Variants in LRBA observed in about 807,000 individuals in gnomAD.
LRBA encodes the protein lipopolysaccharide-responsive and beige-like anchor protein.
Under a neutral mutation model 330.0 loss-of-function variants are expected in LRBA, and 176 were observed. That is an observed-to-expected ratio of 0.53 (90% CI 0.47 to 0.60). LRBA has a LOEUF of 0.60. LRBA is among the 20% of genes least tolerant of loss of function. LRBA has a pLI of 0.00. For synonymous variants in LRBA, 1,230 were observed against 1,193.0 expected (o/e 1.03, Z -0.64); for missense variants, 3,259 against 3,444.8 (o/e 0.95, Z 1.35).
intron 2 of LRBA, 36 bp from the exon 3 acceptor site, chr4:150,929,101 T>A: frequency 7.5e-7 from 1 of 1,333,692 alleles, no homozygotes; most frequent in Non-Finnish European, 1.1e-6. Flanking sequence ...TTAAAAGCAT[T>A]AGTATCCTCA....
intron 13 of LRBA, 33 bp from the exon 14 acceptor site, chr4:150,900,250 C>T: frequency 2.0e-6 from 3 of 1,532,830 alleles, no homozygotes; most frequent in Non-Finnish European, 2.7e-6. Flanking sequence ...TTAGAGAACC[C>T]CACCAGCATT....
At chr4:150,661,635 G>A (rs185070291) in intron 37 of LRBA, among the ~76,000 whole-genome samples, 1 of 152,028 alleles carries the variant, frequency 6.6e-6, no homozygotes, top group Non-Finnish European at 1.5e-5. Context: ...TTTTGAGACT[G>A]AGTCTCACTC....
At chr4:150,974,028 G>A (rs990486349) in intron 2 of LRBA, among the ~76,000 whole-genome samples, 1 of 152,234 alleles carries the variant, frequency 6.6e-6, no homozygotes, top group Middle Eastern at 3.4e-3. Flanking sequence ...CAATGAGTAC[G>A]GTATGCAAAG....
At chr4:150,776,639 C>T (rs1353227799) in intron 34 of LRBA, among the ~76,000 whole-genome samples, 2 of 151,904 alleles carry the variant, frequency 1.3e-5, no homozygotes, top group African/African-American at 2.4e-5. Context: ...ATGGTGAAAC[C>T]CCATCTCTAC....
intron 40 of LRBA, among the ~76,000 whole-genome samples, chr4:150,558,820 A>G (rs2152264802): frequency 6.6e-6 from 1 of 152,208 alleles, no homozygotes; most frequent in Admixed American, 6.6e-5. Flanking sequence ...ATGATTTAAG[A>G]CTCTGACTCT....
intron 40 of LRBA, among the ~76,000 whole-genome samples, chr4:150,523,264 T>C (rs1763119319): frequency 6.6e-6 from 1 of 152,176 alleles, no homozygotes; most frequent in Non-Finnish European, 1.5e-5. Flanking sequence ...ACTTAATCTC[T>C]ATTGTATTGG....
chr4:150,710,957 T>C (rs1786133440), intron 36 of LRBA, among the ~76,000 whole-genome samples: 1 of 151,562 alleles, frequency 6.6e-6, no homozygotes, highest in South Asian at 2.1e-4. Flanking sequence ...GAGCTAAATG[T>C]CCCCCAAAAA....
intron 37 of LRBA, among the ~76,000 whole-genome samples, chr4:150,666,254 C>T (rs1010692420): frequency 6.6e-6 from 1 of 152,040 alleles, no homozygotes; most frequent in Non-Finnish European, 1.5e-5. Flanking sequence ...AAAAATAGGT[C>T]GGGTGCCATG....
At chr4:150,445,670 GTTTA>G (rs746385589) in intron 44 of LRBA, among the ~76,000 whole-genome samples, 3 of 151,880 alleles carry the variant, frequency 2.0e-5, no homozygotes, top group Non-Finnish European at 4.4e-5. Flanking sequence ...TTAAAAATGT[GTTTA>G]TTTATTTAGA....
chr4:150,985,331 C>A (rs890450700), intron 2 of LRBA, among the ~76,000 whole-genome samples: 1 of 151,116 alleles, frequency 6.6e-6, no homozygotes, highest in East Asian at 1.9e-4. Flanking sequence ...AAAATAAGAC[C>A]TATGAGAAAA....
chr4:150,504,642 C>A (rs1003763473), intron 40 of LRBA, among the ~76,000 whole-genome samples: 2 of 152,134 alleles, frequency 1.3e-5, no homozygotes, highest in African/African-American at 2.4e-5. Flanking sequence ...CAAAAACATG[C>A]CAAATTGTAA....
intron 48 of LRBA, among the ~76,000 whole-genome samples, chr4:150,339,005 C>A (rs1735125171): frequency 2.0e-5 from 3 of 150,296 alleles, no homozygotes; most frequent in Non-Finnish European, 4.4e-5. Context: ...AAGTAGTGAA[C>A]CCAGAGTTCT....
At chr4:150,833,550 A>G (rs1747528005) in intron 28 of LRBA, among the ~76,000 whole-genome samples, 1 of 152,200 alleles carries the variant, frequency 6.6e-6, no homozygotes, top group Non-Finnish European at 1.5e-5. Context: ...TTACGTTTAC[A>G]CTATACTGTA....
intron 47 of LRBA, among the ~76,000 whole-genome samples, chr4:150,364,603 T>G (rs1739175430): frequency 6.6e-6 from 1 of 152,206 alleles, no homozygotes; most frequent in African/African-American, 2.4e-5. Flanking sequence ...GAAATACTAG[T>G]AACAAGTATT....
chr4:150,545,496 C>T (rs1208735987), intron 40 of LRBA, among the ~76,000 whole-genome samples: 1 of 151,880 alleles, frequency 6.6e-6, no homozygotes, highest in East Asian at 1.9e-4. Flanking sequence ...TATTCTGAGA[C>T]CACAATCATA....
intron 46 of LRBA, among the ~76,000 whole-genome samples, chr4:150,419,072 T>G (rs116557628): frequency 1.3e-5 from 2 of 152,092 alleles, no homozygotes; most frequent in African/African-American, 4.8e-5. Flanking sequence ...AGTGCCTCTA[T>G]GTGAAATAGA....
chr4:150,991,374 T>C (rs939843550), intron 2 of LRBA, among the ~76,000 whole-genome samples: 4 of 152,132 alleles, frequency 2.6e-5, no homozygotes, highest in African/African-American at 4.8e-5. Context: ...GGAAAACATG[T>C]CCACCAAAGG....
At chr4:150,606,710 G>A (rs562374446) in intron 37 of LRBA, among the ~76,000 whole-genome samples, 2 of 152,234 alleles carry the variant, frequency 1.3e-5, no homozygotes, top group Non-Finnish European at 1.5e-5. Context: ...GTCTGATGAC[G>A]TCTAAGCCAA....
chr4:150,899,313 G>A (rs1443088939), intron 14 of LRBA, among the ~76,000 whole-genome samples: 1 of 152,158 alleles, frequency 6.6e-6, no homozygotes, highest in Non-Finnish European at 1.5e-5. Flanking sequence ...CTACTACAAA[G>A]GAAGCGAATA....
Sources: allele counts gnomAD v4.1 joint callset (sites outside exome capture counted in the v4.1 genomes callset), GRCh38; gene constraint gnomAD v4.1.1; transcripts MANE v1.5; gene names NCBI Gene and HGNC (gene_info 2026-07-23, HGNC 2026-07-21).